DYRK1A: variants seen among roughly 807,000 people sequenced by gnomAD.
The protein encoded by DYRK1A is dual specificity tyrosine-phosphorylation-regulated kinase 1A.
DYRK1A carries 9 observed loss-of-function variants against 79.7 expected under a neutral mutation model. The observed-to-expected ratio is 0.11, with a 90% CI of 0.07 to 0.20. DYRK1A has a LOEUF of 0.20. Ranked by LOEUF, DYRK1A falls within the 10% of genes least tolerant of loss-of-function variation. The pLI, the probability that DYRK1A is intolerant of heterozygous loss-of-function variation, is 1.00. For missense variants in DYRK1A, 622 were observed against 956.0 expected (o/e 0.65, Z 4.61); for synonymous variants, 349 against 329.7 (o/e 1.06, Z -0.63).
chr21:37,466,643 C>T (rs2052035185), intron 2 of DYRK1A, among the ~76,000 whole-genome samples: 1 of 151,934 alleles, frequency 6.6e-6, no homozygotes. Flanking sequence ...AAGCAAAAAG[C>T]TTTACTAGAA....
chr21:37,383,869 C>T (rs2049708950), intron 1 of DYRK1A, among the ~76,000 whole-genome samples: 1 of 142,730 alleles, frequency 7.0e-6, no homozygotes, highest in Non-Finnish European at 1.5e-5. Context: ...GTAGTTGTAT[C>T]TTAGTGTAAA....
intron 2 of DYRK1A, among the ~76,000 whole-genome samples, chr21:37,431,516 C>T (rs28529284): frequency 0.041 from 6,300 of 152,244 alleles, 181 homozygotes; most frequent in Middle Eastern, 0.082. Context: ...TGTTTGGAAG[C>T]ACTGTTTCTT....
At chr21:37,418,177 AATC>A (rs1323162168) in intron 1 of DYRK1A, among the ~76,000 whole-genome samples, 3 of 152,184 alleles carry the variant, frequency 2.0e-5, no homozygotes, top group Non-Finnish European at 4.4e-5. Context: ...TATATGGAAT[AATC>A]ACTAGAGTCC....
At position 37,518,719 on chromosome 21, in the gene DYRK1A, G is replaced by C. The variant is rs943374749; in HGVS notation, c.*6188G>C. 1 of 150,726 alleles carries C rather than the reference G, an allele frequency of 6.6e-6. No individual in the cohort carries two copies. The highest frequency in any genetic ancestry group is 2.4e-5 in the African/African-American group (1 of 40,830). 9.3% of individuals were successfully genotyped at this position (150,726 alleles called of 1,614,324 possible). ...CAACCTCCATTTCCCAGATTCAAGC[G>C]ATTCTCGTGCCTCAGCCTTTCAAGT... is the stretch of plus-strand genomic sequence containing the variant. On this transcript the variant is annotated 3_prime_UTR_variant, in exon 12 of 12. Coordinates refer to ENST00000647188, the MANE Select transcript of DYRK1A (RefSeq NM_001347721.2).
At chr21:37,366,502 G>A (rs1215612290), upstream of DYRK1A, among the ~76,000 whole-genome samples, 1 of 141,154 alleles carries the variant, frequency 7.1e-6, no homozygotes, top group Non-Finnish European at 1.5e-5. Context: ...ACCCTCCCTC[G>A]GCCTAGCCGT....
intron 1 of DYRK1A, among the ~76,000 whole-genome samples, chr21:37,417,529 C>CTTTTTCTTTTTCTTTTTTTTTTTTTTTT (rs1555959239): frequency 2.3e-5 from 1 of 44,070 alleles, no homozygotes; most frequent in Non-Finnish European, 3.9e-5. Context: ...TTTTCTTTTT[C>CTTTTTCTTTTTCTTTTTTTTTTTTTTTT]TTTTTTTTTT....
rs1399766137 is a variant in DYRK1A, at chr21:37,400,639, G to A, written c.-76-19660G>A. On this transcript the variant is annotated intron_variant, in intron 1 of 11. Coordinates refer to ENST00000647188, the MANE Select transcript of DYRK1A (RefSeq NM_001347721.2). The stretch of plus-strand genomic sequence containing the variant: ...TTGAGCGACTTTTCTCTAAATAATG[G>A]AAGTTATTGTTCTTTTAGGGTCAGT... Among the ~76,000 whole-genome samples the A allele has an allele frequency of 1.3e-5, 2 of 152,148 alleles. 1 individual carries two copies. Among genetic ancestry groups the A allele is most frequent in the East Asian group, 3.9e-4 (2 of 5,192 alleles).
intron 2 of DYRK1A, among the ~76,000 whole-genome samples, chr21:37,457,032 ACTTACTTATTTATTTATTT>A (rs2051667980): frequency 1.4e-5 from 1 of 70,594 alleles, no homozygotes; most frequent in African/African-American, 6.0e-5. Context: ...TTACTTACTT[ACTTACTTATTTATTTATTT>A]ATTTATTTAT....
rs1569361929 is a variant in DYRK1A, at chr21:37,479,589, G to GTT, written c.301-1046_301-1045dup. Among the ~76,000 whole-genome samples, 7 of 74,382 alleles carry GTT rather than the reference G, an allele frequency of 9.4e-5. 1 individual carries two copies. The highest frequency in any genetic ancestry group is 3.9e-4 in the African/African-American group (7 of 17,922). The allele number at this position is 74,382 out of a possible 152,430, so 48.8% of individuals were successfully genotyped here. Reference sequence around the variant, plus strand: ...TACTAGTCTTAGAAACAGTGTTGGTGTTTTGTTTTTGTTTTTGTTTTTGTT... The same window carrying GTT: ...TACTAGTCTTAGAAACAGTGTTGGTGTTTTTTGTTTTTGTTTTTGTTTTTGTT... On this transcript the variant is annotated intron_variant, in intron 4 of 11. Transcript: ENST00000647188.
intron 1 of DYRK1A, among the ~76,000 whole-genome samples, chr21:37,371,029 T>C (rs2049418942): frequency 6.6e-6 from 1 of 152,250 alleles, no homozygotes; most frequent in Non-Finnish European, 1.5e-5. Context: ...CAAAGCTTGC[T>C]CAACTTTGGA....
At chr21:37,488,179 C>G (rs567027657) in intron 6 of DYRK1A, 1 of 186,474 alleles carries the variant, frequency 5.4e-6, no homozygotes, top group East Asian at 1.9e-4. Flanking sequence ...CATTAATGAT[C>G]ATATTATTAA....
chr21:37,480,378 A>G lies in DYRK1A; in HGVS notation c.301-260A>G, dbSNP rs373102074. 1.8e-4 allele frequency among the ~76,000 whole-genome samples: 27 copies of G among 152,330 alleles called. No homozygotes were observed. In the East Asian group the frequency reaches 3.9e-3, roughly 22 times the overall value. On this transcript the variant is annotated intron_variant, in intron 4 of 11. Transcript: ENST00000647188. The stretch of plus-strand genomic sequence containing the variant: ...ATATAAATTATACTTCAATTTAACA[A>G]ATAAATATAAACCAGGTCCTTTTAC...
chr21:37,372,249 G>T (rs2051372353), intron 1 of DYRK1A, among the ~76,000 whole-genome samples: 1 of 151,094 alleles, frequency 6.6e-6, no homozygotes, highest in African/African-American at 2.4e-5. Context: ...TTCGAAACCA[G>T]CCTGGGCAAC....
At position 37,479,803 on chromosome 21, in the gene DYRK1A, A is replaced by G. The variant is rs571499368; in HGVS notation, c.301-835A>G. ...CCACCATGCCCAGCTAATTTTTTGT[A>G]TTTTTAGTAGAGACGGGGTTTCACC... On this transcript the variant is annotated intron_variant, in intron 4 of 11. Coordinates refer to ENST00000647188, the MANE Select transcript of DYRK1A (RefSeq NM_001347721.2). Among the ~76,000 whole-genome samples, 180 of 150,506 alleles carry G rather than the reference A, an allele frequency of 1.2e-3. 1 individual carries two copies. Among genetic ancestry groups the G allele is most frequent in the Non-Finnish European group, 1.9e-3 (131 of 67,602 alleles).
At position 37,521,252 on chromosome 21, in the gene DYRK1A, C is replaced by T. The variant is rs2053933429; in HGVS notation, c.*8721C>T. On this transcript the variant is annotated 3_prime_UTR_variant, in exon 12 of 12. Coordinates refer to ENST00000647188, the MANE Select transcript of DYRK1A (RefSeq NM_001347721.2). ...TGCAAGAAGCAAAACGGTAAATTTC[C>T]TTTTACTGGCAAAATTAAAACAGTG... 6.6e-6 allele frequency: 1 copy of T among 152,226 alleles called. No individual in the cohort carries two copies. The highest frequency in any genetic ancestry group is 2.4e-5 in the African/African-American group (1 of 41,450). The allele number at this position is 152,226 out of a possible 1,614,324, so 9.4% of individuals were successfully genotyped here.
upstream of DYRK1A, among the ~76,000 whole-genome samples, chr21:37,366,487 C>T (rs1429925892): frequency 6.7e-6 from 1 of 149,056 alleles, no homozygotes; most frequent in African/African-American, 2.4e-5. Flanking sequence ...CCTTCCCCAG[C>T]CCCTACCCTC....
intron 1 of DYRK1A, among the ~76,000 whole-genome samples, chr21:37,392,448 C>T (rs1186206139): frequency 6.6e-6 from 1 of 152,170 alleles, no homozygotes; most frequent in African/African-American, 2.4e-5. Context: ...AACAAAATAC[C>T]TTGGACTGAA....
At chr21:37,424,544 A>G in intron 2 of DYRK1A, among the ~76,000 whole-genome samples, 1 of 152,128 alleles carries the variant, frequency 6.6e-6, no homozygotes, top group Non-Finnish European at 1.5e-5. Context: ...ACTCGTGTTG[A>G]CTAACATATC....
chr21:37,498,409 T>A (rs1242586903), intron 9 of DYRK1A, among the ~76,000 whole-genome samples: 1 of 152,226 alleles, frequency 6.6e-6, no homozygotes, highest in East Asian at 1.9e-4. Context: ...TAGCTTTGCT[T>A]TTTCATTGGC....
Sources: allele counts gnomAD v4.1 joint callset (sites outside exome capture counted in the v4.1 genomes callset), GRCh38; gene constraint gnomAD v4.1.1; transcripts MANE v1.5; gene names NCBI Gene and HGNC (gene_info 2026-07-23, HGNC 2026-07-21).